KIF26B: variants seen among roughly 807,000 people sequenced by gnomAD.
The protein encoded by KIF26B is kinesin family member 26B.
In KIF26B, 63 loss-of-function variants were observed where a neutral mutation model predicts 151.2. That is an observed-to-expected ratio of 0.42 (90% CI 0.34 to 0.51). The LOEUF (loss-of-function observed/expected upper bound fraction) is 0.51, where lower values mean the gene tolerates loss of function less well. Ranked by LOEUF, KIF26B falls within the 20% of genes least tolerant of loss-of-function variation. The pLI, the probability that KIF26B is intolerant of heterozygous loss-of-function variation, is 0.07. For synonymous variants in KIF26B, 1,357 were observed against 1,262.1 expected (o/e 1.08, Z -1.59); for missense variants, 2,813 against 2,913.6 (o/e 0.97, Z 0.79).
rs781608523 is a variant in KIF26B at position 245,685,564 on chromosome 1, T to C, written c.2581T>C (p.Ser861Pro). 6.2e-7 allele frequency: 1 copy of C among 1,613,718 alleles called. No individual in the cohort carries two copies. Among genetic ancestry groups the C allele is most frequent in the Non-Finnish European group, 8.5e-7 (1 of 1,179,856 alleles). ...CGACTACTCCTCCAGCAGCGAGCAG[T>C]CCTGCGACACCGTCATCTACATCGG... ...DPDYSSSSEQSCDTVIYIGPN... is the reference protein window; with the variant it reads ...DPDYSSSSEQPCDTVIYIGPN... The change falls in exon 12 of 15, where the codon TCC becomes CCC. Residue 861 changes from serine (S) to proline (P), a missense_variant. Physicochemically the swap from Ser to Pro is moderately conservative, Grantham distance 74. Around this residue, in one of 3 missense-constraint regions of KIF26B, gnomAD observed 2,060 missense variants for 2,088.6 expected, o/e 0.99. Coordinates refer to ENST00000407071, the MANE Select transcript of KIF26B (RefSeq NM_018012.4).
At position 245,512,533 on chromosome 1, in the gene KIF26B, G is replaced by C. The variant is rs532513031; in HGVS notation, c.1167-28234G>C. Among the ~76,000 whole-genome samples the C allele has an allele frequency of 6.6e-6, 1 of 152,212 alleles. No homozygotes were observed. The highest frequency in any genetic ancestry group is 1.9e-4 in the East Asian group (1 of 5,180). Reference sequence around the variant, plus strand: ...AGTGTTCCTAACAACTTTATTAATTGGGGTTTAACATCATCAAGGGCTGTA... The same window carrying C: ...AGTGTTCCTAACAACTTTATTAATTCGGGTTTAACATCATCAAGGGCTGTA... On this transcript the variant is annotated intron_variant, in intron 4 of 14. Transcript: ENST00000407071. The surrounding 1 kb of genome is among the most constrained non-coding windows in gnomAD (Gnocchi z 4.3).
rs1320163155 is a variant in KIF26B, at chr1:245,698,409, G to C, written c.6027+101G>C. 5.4e-6 allele frequency: 6 copies of C among 1,113,012 alleles called. No individual in the cohort carries two copies. Among genetic ancestry groups the C allele is most frequent in the South Asian group, 1.5e-5 (1 of 67,408 alleles). The allele number at this position is 1,113,012 out of a possible 1,614,324, so 68.9% of individuals were successfully genotyped here. ...GCCCTGGGGAAGAAAACTCAGACCCGGGCTTCCCAGCGGGCTTCTGGCATG... is the reference window on the plus strand; with the variant it reads ...GCCCTGGGGAAGAAAACTCAGACCCCGGCTTCCCAGCGGGCTTCTGGCATG... On this transcript the variant is annotated intron_variant, in intron 13 of 14. Coordinates refer to ENST00000407071, the MANE Select transcript of KIF26B (RefSeq NM_018012.4). This position sits in a 1 kb window ranked among gnomAD's most constrained non-coding sequence, Gnocchi z 4.0.
Position 245,262,370 on chromosome 1 carries a change from C to T in KIF26B, c.466-104464C>T, listed in dbSNP as rs113638244. On this transcript the variant is annotated intron_variant, in intron 2 of 14. Transcript: ENST00000407071. ...GAAGACATGGGGCGGGTCTTCTGAA[C>T]ATCTACCTGTGCGTCACTTTTTAAT... is the stretch of plus-strand genomic sequence containing the variant. Among the ~76,000 whole-genome samples the T allele has an allele frequency of 4.5e-3, 692 of 152,292 alleles. 11 individuals are homozygous for T. Among genetic ancestry groups the T allele is most frequent in the African/African-American group, 0.015 (633 of 41,544 alleles).
chr1:245,399,282 G>T (rs114725295), intron 3 of KIF26B, among the ~76,000 whole-genome samples: 1 of 151,972 alleles, frequency 6.6e-6, no homozygotes, highest in Non-Finnish European at 1.5e-5. Flanking sequence ...TCATCCTTTC[G>T]TTCACTTGAA....
rs535814616 is a variant in KIF26B at position 245,195,705 on chromosome 1, C to T, written c.465+39022C>T. Among the ~76,000 whole-genome samples, 9 of 152,282 alleles carry T rather than the reference C, an allele frequency of 5.9e-5. No individual in the cohort carries two copies. The South Asian group carries it at 1.7e-3, about 28-fold the overall frequency. On this transcript the variant is annotated intron_variant, in intron 2 of 14. Coordinates refer to ENST00000407071, the MANE Select transcript of KIF26B (RefSeq NM_018012.4). Reference sequence around the variant, plus strand: ...CATCTGCCTGTCAGGTGTTGTTTTTCCGCCAAACACCGAAAGAGCTATGTT... The same window carrying T: ...CATCTGCCTGTCAGGTGTTGTTTTTTCGCCAAACACCGAAAGAGCTATGTT...
At chr1:245,393,039 C>A (rs1673738816) in intron 3 of KIF26B, among the ~76,000 whole-genome samples, 1 of 152,054 alleles carries the variant, frequency 6.6e-6, no homozygotes, top group Non-Finnish European at 1.5e-5. Flanking sequence ...GGCGTGATGG[C>A]AGATGCCTGT....
chr1:245,386,677 C>A (rs1480995113), intron 3 of KIF26B, among the ~76,000 whole-genome samples: 4 of 152,212 alleles, frequency 2.6e-5, no homozygotes, highest in Non-Finnish European at 1.5e-5. Flanking sequence ...CCTTAAACAA[C>A]CTCCTATTTA....
rs1013508293 is a variant in KIF26B, at chr1:245,516,744, A to C, written c.1167-24023A>C. 1.3e-5 allele frequency among the ~76,000 whole-genome samples: 2 copies of C among 152,200 alleles called. No individual in the cohort carries two copies. The highest frequency in any genetic ancestry group is 2.9e-5 in the Non-Finnish European group (2 of 68,038). On this transcript the variant is annotated intron_variant, in intron 4 of 14. Transcript: ENST00000407071. The surrounding 1 kb of genome is among the most constrained non-coding windows in gnomAD (Gnocchi z 4.2). ...CACAAATCTGAGATGTCAGCTCATAAATCTGTAAGCTCCTTGCTTAAGTAA... is the reference window on the plus strand; with the variant it reads ...CACAAATCTGAGATGTCAGCTCATACATCTGTAAGCTCCTTGCTTAAGTAA...
chr1:245,260,531 A>G (rs2292320), intron 2 of KIF26B, among the ~76,000 whole-genome samples: 26,975 of 152,192 alleles, frequency 0.18, 2,599 homozygotes, highest in African/African-American at 0.24. Context: ...TTATAAATAG[A>G]ACATGTTTAA....
At chr1:245,696,451 A>C (rs1285812327) in intron 12 of KIF26B, among the ~76,000 whole-genome samples, 2 of 151,974 alleles carry the variant, frequency 1.3e-5, no homozygotes, top group Non-Finnish European at 2.9e-5. Context: ...AGCCAGAACC[A>C]CCTGGCAAAA....
At chr1:245,527,007 C>T (rs1392738125) in intron 4 of KIF26B, among the ~76,000 whole-genome samples, 1 of 152,214 alleles carries the variant, frequency 6.6e-6, no homozygotes, top group African/African-American at 2.4e-5. Flanking sequence ...CTAAGGAAAA[C>T]TCTAAAGGAA....
At chr1:245,468,364 T>C (rs1659840342) in intron 4 of KIF26B, among the ~76,000 whole-genome samples, 1 of 152,076 alleles carries the variant, frequency 6.6e-6, no homozygotes, top group Admixed American at 6.6e-5. Flanking sequence ...GCCCTCTCTG[T>C]CCCCTTCCCA....
intron 2 of KIF26B, among the ~76,000 whole-genome samples, chr1:245,181,624 G>A (rs1485241364): frequency 6.6e-6 from 1 of 152,106 alleles, no homozygotes; most frequent in Non-Finnish European, 1.5e-5. Context: ...TGTGTGTGTG[G>A]CTGGGTTGGT....
intron 3 of KIF26B, among the ~76,000 whole-genome samples, chr1:245,369,195 GAGAC>G (rs1553268129): frequency 7.0e-4 from 91 of 129,612 alleles, no homozygotes; most frequent in African/African-American, 1.3e-3. Flanking sequence ...GAGAGAGAGA[GAGAC>G]AGACAGACAG....
intron 10 of KIF26B, among the ~76,000 whole-genome samples, chr1:245,647,653 G>C (rs938095183): frequency 2.0e-5 from 3 of 152,116 alleles, no homozygotes; most frequent in African/African-American, 7.2e-5. Flanking sequence ...CTACGTTGCT[G>C]TTGTGTAGGA....
Position 245,184,050 on chromosome 1 carries a change from G to GTTTTTTGTTTTTTTTT in KIF26B, c.465+27373_465+27374insGTTTTTTTTTTTTTTT, listed in dbSNP as rs1553332272. 6.0e-3 allele frequency among the ~76,000 whole-genome samples: 119 copies of GTTTTTTGTTTTTTTTT among 19,798 alleles called. 1 individual carries two copies. The highest frequency in any genetic ancestry group is 6.7e-3 in the Non-Finnish European group (67 of 10,058). 13.0% of individuals were successfully genotyped at this position (19,798 alleles called of 152,430 possible). The stretch of plus-strand genomic sequence containing the variant: ...GCAACAGGTATGGGTGGGAGTTGTT[G>GTTTTTTGTTTTTTTTT]TTTTTTTTTTTTTTTTTTTGAGCTT... On this transcript the variant is annotated intron_variant, in intron 2 of 14. Transcript: ENST00000407071.
At chr1:245,444,414 C>G (rs1372504926) in intron 4 of KIF26B, among the ~76,000 whole-genome samples, 1 of 152,234 alleles carries the variant, frequency 6.6e-6, no homozygotes, top group Non-Finnish European at 1.5e-5. Context: ...TAAGCAGCAG[C>G]GTGGCGACCT....
intron 9 of KIF26B, among the ~76,000 whole-genome samples, chr1:245,631,012 T>G (rs2043775432): frequency 6.6e-6 from 1 of 152,200 alleles, no homozygotes; most frequent in Non-Finnish European, 1.5e-5. Flanking sequence ...AATTTATCAG[T>G]TCTCAGAGTT....
intron 2 of KIF26B, among the ~76,000 whole-genome samples, chr1:245,256,684 T>A (rs1195910177): frequency 1.3e-5 from 2 of 152,172 alleles, no homozygotes. Flanking sequence ...GAATGGGCTG[T>A]GGGACGTGCC....
Sources: gnomAD v4.1 joint callset for allele counts (sites outside exome capture counted in the v4.1 genomes callset) on GRCh38, gnomAD v4.1.1 for gene constraint, gnomAD v4.1.1 regional missense constraint, Gnocchi (gnomAD v3.1) non-coding constraint, MANE v1.5 for transcripts, NCBI Gene and HGNC (gene_info 2026-07-23, HGNC 2026-07-21) for gene names.